Variants in PIBF1 observed in about 807,000 individuals in gnomAD.
PIBF1 encodes the protein progesterone-induced-blocking factor 1.
PIBF1 carries 90 observed loss-of-function variants against 112.5 expected under a neutral mutation model. The ratio of observed to expected loss-of-function variants is 0.80; its 90% CI spans 0.67 to 0.95. The LOEUF (loss-of-function observed/expected upper bound fraction) is 0.95, where lower values mean the gene tolerates loss of function less well. Ranked by LOEUF, PIBF1 falls within the 40% of genes least tolerant of loss-of-function variation. The pLI is 0.00. For missense variants in PIBF1, 915 were observed against 852.3 expected, an observed-to-expected ratio of 1.07 and a Z score of -0.92; for synonymous variants, 301 against 288.6, an observed-to-expected ratio of 1.04 and a Z score of -0.44.
intron 11 of PIBF1, among the ~76,000 whole-genome samples, chr13:72,894,859 T>C (rs2040214950): frequency 6.6e-6 from 1 of 150,700 alleles, no homozygotes; most frequent in Non-Finnish European, 1.5e-5. Flanking sequence ...AGTGAGTGAC[T>C]CACGCCTGTA....
intron 16 of PIBF1, among the ~76,000 whole-genome samples, chr13:72,983,244 G>A (rs954226495): frequency 3.4e-4 from 52 of 152,096 alleles, no homozygotes; most frequent in African/African-American, 1.2e-3. Flanking sequence ...AGGCTGCAGT[G>A]AGTCATGATT....
chr13:72,803,944 A>G (rs1439406757), intron 5 of PIBF1, among the ~76,000 whole-genome samples: 1 of 152,174 alleles, frequency 6.6e-6, no homozygotes, highest in Non-Finnish European at 1.5e-5. Context: ...TTTCATTTGA[A>G]GTTTTCTGTT....
chr13:72,860,075 A>T (rs1159083108), intron 10 of PIBF1, among the ~76,000 whole-genome samples: 1 of 152,212 alleles, frequency 6.6e-6, no homozygotes, highest in Non-Finnish European at 1.5e-5. Flanking sequence ...ATTCTCTATC[A>T]GTAGAAGTAT....
At chr13:73,012,573 A>C (rs1449596424) in intron 17 of PIBF1, among the ~76,000 whole-genome samples, 1 of 136,716 alleles carries the variant, frequency 7.3e-6, no homozygotes, top group Non-Finnish European at 1.6e-5. Context: ...ACACACACAC[A>C]CCAAAAAAAA....
At chr13:72,860,879 C>A (rs2038664747) in intron 10 of PIBF1, among the ~76,000 whole-genome samples, 1 of 152,162 alleles carries the variant, frequency 6.6e-6, no homozygotes, top group South Asian at 2.1e-4. Context: ...TGATAAGTAA[C>A]AAATACCCAG....
In PIBF1 at chr13:72,874,004, T is replaced by G. The variant is rs2039287435; in HGVS notation, c.1323-19780T>G. 2.0e-5 allele frequency among the ~76,000 whole-genome samples: 3 copies of G among 152,132 alleles called. No individual in the cohort carries two copies. The South Asian group carries it at 6.2e-4, about 32-fold the overall frequency. ...AAGCACAAGAAAAGATGCTAAACAT[T>G]ATTAATCACCAGGAAAATGGAAATT... is the stretch of plus-strand genomic sequence containing the variant. On this transcript the variant is annotated intron_variant, in intron 10 of 17. Transcript: ENST00000326291.
At chr13:72,988,184 G>A (rs1394246593) in intron 16 of PIBF1, among the ~76,000 whole-genome samples, 7 of 151,836 alleles carry the variant, frequency 4.6e-5, no homozygotes, top group Admixed American at 4.6e-4. Flanking sequence ...TGAAGCCTCA[G>A]TTTCTTCTCT....
At chr13:72,974,068 G>A (rs990188183) in intron 16 of PIBF1, 12 of 211,570 alleles carry the variant, frequency 5.7e-5, no homozygotes, top group African/African-American at 2.5e-4. Flanking sequence ...TTCTTCATTT[G>A]TTCCCTACCA....
At position 72,998,931 on chromosome 13, in the gene PIBF1, C is replaced by A; in HGVS notation, c.2159C>A (p.Ser720Ter). 1.2e-6 allele frequency: 2 copies of A among 1,612,194 alleles called. No homozygotes were observed. Among genetic ancestry groups the A allele is most frequent in the South Asian group, 2.2e-5 (2 of 90,974 alleles). Residue 720 changes from serine to a stop codon, truncating the protein, a stop_gained, in exon 17 of 18, where the codon TCA becomes TAA. Transcript: ENST00000326291. LOFTEE classifies it high-confidence loss of function. ...AAACATGTGACAGAAAATCAGAAAT[C>A]AAAGACTTTGAATGTGCCTAAAGAG... Reference protein sequence around the residue: ...EPKHVTENQKSKTLNVPKEHE... With the variant: ...EPKHVTENQK
At chr13:72,798,436 G>T (rs970845165) in intron 5 of PIBF1, among the ~76,000 whole-genome samples, 10 of 152,160 alleles carry the variant, frequency 6.6e-5, no homozygotes, top group Non-Finnish European at 1.5e-4. Flanking sequence ...CTATGCAGGG[G>T]ATCTCTTGCA....
chr13:72,886,147 T>G (rs2039841969), intron 10 of PIBF1, among the ~76,000 whole-genome samples: 1 of 152,170 alleles, frequency 6.6e-6, no homozygotes, highest in Admixed American at 6.5e-5. Context: ...ATCGTGCTAC[T>G]ATTAATACTT....
intron 16 of PIBF1, among the ~76,000 whole-genome samples, chr13:72,995,293 T>A (rs1024924668): frequency 1.4e-5 from 2 of 141,056 alleles, no homozygotes; most frequent in Non-Finnish European, 3.1e-5. Flanking sequence ...AGAATGAGAC[T>A]CCGTCTCAAA....
At chr13:72,916,539 A>G (rs2041102114) in intron 12 of PIBF1, among the ~76,000 whole-genome samples, 1 of 151,838 alleles carries the variant, frequency 6.6e-6, no homozygotes, top group Admixed American at 6.6e-5. Context: ...TTAAAAGTAA[A>G]TTATTTTCAC....
chr13:72,869,630 AAT>A (rs1332463709), intron 10 of PIBF1, among the ~76,000 whole-genome samples: 8 of 151,288 alleles, frequency 5.3e-5, no homozygotes, highest in South Asian at 2.1e-4. Flanking sequence ...AATAATAAAA[AAT>A]AAATAATAAA....
At chr13:72,953,155 C>T (rs759246451) in intron 14 of PIBF1, among the ~76,000 whole-genome samples, 3 of 152,188 alleles carry the variant, frequency 2.0e-5, no homozygotes, top group African/African-American at 4.8e-5. Flanking sequence ...CCCAGGCACA[C>T]TCCTGACCTG....
intron 13 of PIBF1, among the ~76,000 whole-genome samples, chr13:72,918,746 C>G (rs1207197164): frequency 6.7e-6 from 1 of 148,404 alleles, no homozygotes; most frequent in East Asian, 2.0e-4. Context: ...ACTGTGTCAC[C>G]CAGGCTAGAG....
chr13:72,801,235 T>C (rs1262762876), intron 5 of PIBF1, among the ~76,000 whole-genome samples: 1 of 152,164 alleles, frequency 6.6e-6, no homozygotes, highest in Admixed American at 6.5e-5. Flanking sequence ...ACATGTACAG[T>C]TGACTGTTGA....
At chr13:72,922,706 T>C (rs186390996) in intron 13 of PIBF1, among the ~76,000 whole-genome samples, 23 of 152,358 alleles carry the variant, frequency 1.5e-4, no homozygotes, top group Admixed American at 1.2e-3. Context: ...CAAAATTTTG[T>C]GTATGACAAA....
chr13:72,861,026 A>G (rs557364131), intron 10 of PIBF1, among the ~76,000 whole-genome samples: 1 of 152,336 alleles, frequency 6.6e-6, no homozygotes, highest in South Asian at 2.1e-4. Flanking sequence ...ATACACTGTT[A>G]CATTCGTGGG....
Sources: allele counts gnomAD v4.1 joint callset (sites outside exome capture counted in the v4.1 genomes callset), GRCh38; gene constraint gnomAD v4.1.1; transcripts MANE v1.5; gene names NCBI Gene and HGNC (gene_info 2026-07-23, HGNC 2026-07-21).